Variants in NDUFA10 observed in about 807,000 individuals in gnomAD.
NDUFA10 encodes the protein NADH:ubiquinone oxidoreductase subunit A10, also known as NADH dehydrogenase [ubiquinone] 1 alpha subcomplex subunit 10, mitochondrial.
NDUFA10 carries 40 observed loss-of-function variants against 47.8 expected under a neutral mutation model. That is an observed-to-expected ratio of 0.84 (90% CI 0.65 to 1.09). The LOEUF is 1.09. Ranked by LOEUF, NDUFA10 falls within the 50% of genes least tolerant of loss-of-function variation. The probability of loss-of-function intolerance (pLI) is 0.00; values close to 1 mark genes in which losing one functional copy is unlikely to be tolerated. For missense variants in NDUFA10, 413 were observed against 451.1 expected, an observed-to-expected ratio of 0.92 and a Z score of 0.76; for synonymous variants, 183 against 172.2, an observed-to-expected ratio of 1.06 and a Z score of -0.49.
intron 8 of NDUFA10, among the ~76,000 whole-genome samples, chr2:239,995,401 T>C (rs1296536604): frequency 6.6e-6 from 1 of 152,132 alleles, no homozygotes; most frequent in East Asian, 1.9e-4. Flanking sequence ...TAGACCTAGA[T>C]GGGTTGTAAA....
chr2:239,980,226 C>A (rs1000643414), intron 9 of NDUFA10, among the ~76,000 whole-genome samples: 9 of 152,164 alleles, frequency 5.9e-5, no homozygotes, highest in Admixed American at 5.9e-4. Context: ...GTGCCTGGCA[C>A]GATAAAGATC....
At chr2:239,967,761 G>A (rs1233100025) in intron 9 of NDUFA10, among the ~76,000 whole-genome samples, 1 of 152,170 alleles carries the variant, frequency 6.6e-6, no homozygotes, top group Non-Finnish European at 1.5e-5. Flanking sequence ...TGACGCCACT[G>A]AGTTTGTGTG....
At chr2:240,012,519 G>C (rs910811743) in intron 5 of NDUFA10, 1 of 152,152 alleles carries the variant, frequency 6.6e-6, no homozygotes, top group Non-Finnish European at 1.5e-5. Flanking sequence ...GAAATGAATA[G>C]GCCTGCGGTT....
At chr2:239,895,362 G>C in intron 4 of NDUFA10, 1 of 412,680 alleles carries the variant, frequency 2.4e-6, no homozygotes, top group Admixed American at 2.7e-5. Flanking sequence ...GTGAGGAGGG[G>C]AGCCCGAGCT....
chr2:239,950,757 G>A (rs1694538095), intron 4 of NDUFA10, among the ~76,000 whole-genome samples: 2 of 152,176 alleles, frequency 1.3e-5, no homozygotes, highest in South Asian at 4.1e-4. Flanking sequence ...GTCTGTCCCC[G>A]TGGTCGGCTG....
chr2:240,018,500 C>T (rs752343269), intron 4 of NDUFA10, 53 bp downstream of exon 4: 15 of 1,613,942 alleles, frequency 9.3e-6, no homozygotes, highest in Non-Finnish European at 1.2e-5. Flanking sequence ...TCTATCACAG[C>T]CCTTGCAAAG....
chr2:240,020,796 C>T (rs957512139), intron 3 of NDUFA10, among the ~76,000 whole-genome samples: 6 of 152,148 alleles, frequency 3.9e-5, no homozygotes, highest in Non-Finnish European at 8.8e-5. Flanking sequence ...TCCGGGACAA[C>T]CCTATGTTGT....
chr2:239,997,717 A>G (rs1696538860), intron 8 of NDUFA10, among the ~76,000 whole-genome samples: 2 of 152,278 alleles, frequency 1.3e-5, no homozygotes, highest in Non-Finnish European at 2.9e-5. Context: ...AATTATGCAG[A>G]TTATGTAGTG....
chr2:239,898,335 G>A (rs1693439334), intron 4 of NDUFA10, among the ~76,000 whole-genome samples: 1 of 152,242 alleles, frequency 6.6e-6, no homozygotes, highest in Non-Finnish European at 1.5e-5. Context: ...GAGGTGCTCA[G>A]CCTGCGCCCG....
intron 4 of NDUFA10, 95 bp downstream of exon 4, chr2:240,018,458 G>A: frequency 2.5e-6 from 4 of 1,608,218 alleles, no homozygotes; most frequent in Non-Finnish European, 1.7e-6. Flanking sequence ...CTATCTAACA[G>A]ACATTCATAA....
intron 4 of NDUFA10, among the ~76,000 whole-genome samples, chr2:239,937,469 T>C (rs764771199): frequency 3.9e-5 from 6 of 152,148 alleles, no homozygotes; most frequent in Non-Finnish European, 5.9e-5. Context: ...TCATACACTA[T>C]GTGCTTTTTG....
intron 9 of NDUFA10, chr2:239,969,584 CTCA>C: frequency 2.2e-6 from 1 of 462,984 alleles, no homozygotes. Flanking sequence ...CTCTAGGACA[CTCA>C]TCAGCCTGGC....
intron 4 of NDUFA10, among the ~76,000 whole-genome samples, chr2:239,934,511 A>G (rs1694230799): frequency 6.6e-6 from 1 of 152,110 alleles, no homozygotes. Flanking sequence ...GACGAATTGT[A>G]CATACTCATG....
In NDUFA10 at chr2:239,945,477, C is replaced by T. The variant is rs764652934; in HGVS notation, c.294+44597G>A. 3.9e-5 allele frequency among the ~76,000 whole-genome samples: 6 copies of T among 152,068 alleles called. No homozygotes were observed. The highest frequency in any genetic ancestry group is 7.4e-5 in the Non-Finnish European group (5 of 68,006). On this transcript the variant is annotated intron_variant, in intron 4 of 5. Transcript: ENST00000419408. This position sits in a 1 kb window ranked among gnomAD's most constrained non-coding sequence, Gnocchi z 4.6. ...TCGGGGGAAGAGCGGACACCCCAAC[C>T]GGAACGCAGGCTGCACCGCGAGGCT...
chr2:239,920,403 C>T (rs1228262737), intron 4 of NDUFA10, among the ~76,000 whole-genome samples: 5 of 152,316 alleles, frequency 3.3e-5, no homozygotes, highest in South Asian at 2.1e-4. Flanking sequence ...TGCTCAGCCC[C>T]GTCCTGGGGC....
At chr2:239,905,280 C>A (rs1184317762) in intron 4 of NDUFA10, among the ~76,000 whole-genome samples, 1 of 152,182 alleles carries the variant, frequency 6.6e-6, no homozygotes, top group African/African-American at 2.4e-5. Context: ...GGAAGGACAA[C>A]CCTTTGAGTC....
chr2:239,919,941 A>G, intron 4 of NDUFA10, among the ~76,000 whole-genome samples: 1 of 152,178 alleles, frequency 6.6e-6, no homozygotes, highest in Admixed American at 6.5e-5. Flanking sequence ...GTCCTTCCCC[A>G]TCAGGATAGC....
chr2:239,914,272 GACAC>G (rs1693802384), intron 4 of NDUFA10, among the ~76,000 whole-genome samples: 1 of 143,264 alleles, frequency 7.0e-6, no homozygotes, highest in Non-Finnish European at 1.5e-5. Context: ...TACATACACA[GACAC>G]ACACAAATAT....
intron 9 of NDUFA10, among the ~76,000 whole-genome samples, chr2:239,967,450 T>C (rs1043565310): frequency 4.6e-5 from 7 of 152,208 alleles, no homozygotes; most frequent in South Asian, 2.1e-4. Context: ...TGTGAGAGGC[T>C]GTGTGGCCCG....
Sources: allele counts gnomAD v4.1 joint callset (sites outside exome capture counted in the v4.1 genomes callset), GRCh38; gene constraint gnomAD v4.1.1; non-coding constraint Gnocchi (gnomAD v3.1); transcripts MANE v1.5; gene names NCBI Gene and HGNC (gene_info 2026-07-23, HGNC 2026-07-21).